The following WDR20 variants were observed in gnomAD, a reference collection of about 807,000 sequenced individuals.
WDR20 encodes WD repeat-containing protein 20.
In WDR20, 3 loss-of-function variants were observed where a neutral mutation model predicts 38.7. That is an observed-to-expected ratio of 0.08 (90% CI 0.04 to 0.20). The LOEUF is 0.20. Ranked by LOEUF, WDR20 falls within the 10% of genes least tolerant of loss-of-function variation. WDR20 has a pLI of 1.00. For missense variants in WDR20, 559 were observed against 727.7 expected (o/e 0.77, Z 2.67); for synonymous variants, 298 against 285.6 (o/e 1.04, Z -0.44).
In WDR20 at chr14:102,220,564, C is replaced by T. The variant is rs1194999651; in HGVS notation, c.1693-2266C>T. Reference sequence around the variant, plus strand: ...TGAAACCCCATCTCTACTAAAACTACAAAAAGTTAGCTGGGCGTGGTGGCA... The same window carrying T: ...TGAAACCCCATCTCTACTAAAACTATAAAAAGTTAGCTGGGCGTGGTGGCA... On this transcript the variant is annotated intron_variant, in intron 3 of 3. Transcript: ENST00000335263. The surrounding 1 kb of genome is among the most constrained non-coding windows in gnomAD (Gnocchi z 4.2). Among the ~76,000 whole-genome samples the T allele has an allele frequency of 6.6e-6, 1 of 151,914 alleles. No homozygotes were observed. Among genetic ancestry groups the T allele is most frequent in the Non-Finnish European group, 1.5e-5 (1 of 67,954 alleles).
At position 102,210,413 on chromosome 14, in the gene WDR20, T is replaced by C. The variant is rs1315522776; in HGVS notation, c.*533T>C. On this transcript the variant is annotated 3_prime_UTR_variant, in exon 3 of 3. Coordinates refer to ENST00000342702, the MANE Select transcript of WDR20 (RefSeq NM_144574.4). ...AAACGTTTAGCAGGGTTGATTGATA[T>C]TATTTTTACATTGTTCTGGCAATCC... The C allele has an allele frequency of 1.0e-5, 10 of 985,408 alleles. No homozygotes were observed. Among genetic ancestry groups the C allele is most frequent in the African/African-American group, 1.7e-5 (1 of 57,264 alleles). The allele number at this position is 985,408 out of a possible 1,614,324, so 61.0% of individuals were successfully genotyped here. A position where few individuals can be genotyped will look rare whatever the true frequency, so the allele number is the denominator to read the frequency against.
chr14:102,146,405 C>T (rs1224401903), intron 1 of WDR20, among the ~76,000 whole-genome samples: 1 of 152,090 alleles, frequency 6.6e-6, no homozygotes, highest in Non-Finnish European at 1.5e-5. Context: ...CCTTGTGATC[C>T]ACCCGTCTCG....
intron 1 of WDR20, among the ~76,000 whole-genome samples, chr14:102,157,789 A>T (rs1352315716): frequency 6.6e-6 from 1 of 152,128 alleles, no homozygotes. Flanking sequence ...TGAGGGCTGA[A>T]GCTTGTGCAA....
intron 1 of WDR20, among the ~76,000 whole-genome samples, chr14:102,158,495 A>G (rs998370388): frequency 6.6e-6 from 1 of 151,948 alleles, no homozygotes; most frequent in Non-Finnish European, 1.5e-5. Context: ...ACGGGGTTTC[A>G]CCATGTTGGT....
chr14:102,224,142 C>T (rs1197235984), downstream of WDR20, among the ~76,000 whole-genome samples: 4 of 150,860 alleles, frequency 2.7e-5, no homozygotes, highest in Admixed American at 6.6e-5. Flanking sequence ...CCCGGGTTCA[C>T]GCCATTCTCC....
At chr14:102,166,162 G>A (rs1261406689) in intron 1 of WDR20, among the ~76,000 whole-genome samples, 1 of 145,954 alleles carries the variant, frequency 6.9e-6, no homozygotes, top group East Asian at 2.0e-4. Flanking sequence ...ACCACGCCTG[G>A]CAGAGACCGG....
chr14:102,222,995 C>A lies in WDR20; in HGVS notation c.*112C>A. 1 of 1,318,278 alleles carries A rather than the reference C, an allele frequency of 7.6e-7. No individual in the cohort carries two copies. Among genetic ancestry groups the A allele is most frequent in the Non-Finnish European group, 1.1e-6 (1 of 925,588 alleles). 81.7% of individuals were successfully genotyped at this position (1,318,278 alleles called of 1,614,324 possible). A position where few individuals can be genotyped will look rare whatever the true frequency, so the allele number is the denominator to read the frequency against. On this transcript the variant is annotated 3_prime_UTR_variant, in exon 4 of 4. Coordinates refer to the WDR20 transcript ENST00000335263. The surrounding 1 kb of genome is among the most constrained non-coding windows in gnomAD (Gnocchi z 4.4). Reference sequence around the variant, plus strand: ...CAGCCGGCGGACCTCAGGCGGTGGACGTCGGCGATAGCCGTGTGGACGGTG... The same window carrying A: ...CAGCCGGCGGACCTCAGGCGGTGGAAGTCGGCGATAGCCGTGTGGACGGTG...
intron 2 of WDR20, among the ~76,000 whole-genome samples, chr14:102,200,586 A>G (rs2152972010): frequency 6.6e-6 from 1 of 152,104 alleles, no homozygotes; most frequent in South Asian, 2.1e-4. Context: ...ACAAAGGGAC[A>G]GTTCCTATAT....
downstream of WDR20, chr14:102,213,732 G>A (rs1441231795): frequency 5.1e-6 from 5 of 985,318 alleles, no homozygotes; most frequent in Admixed American, 6.1e-5. Context: ...AGTATGAAAT[G>A]AGTGCTGAAG....
intron 1 of WDR20, among the ~76,000 whole-genome samples, chr14:102,189,690 A>AT (rs754556994): frequency 4.6e-5 from 7 of 152,258 alleles, no homozygotes; most frequent in Non-Finnish European, 8.8e-5. Context: ...GATGCAAACC[A>AT]TTTTTTGAAA....
chr14:102,169,949 A>C (rs943506530), intron 1 of WDR20, among the ~76,000 whole-genome samples: 1 of 152,164 alleles, frequency 6.6e-6, no homozygotes, highest in Non-Finnish European at 1.5e-5. Context: ...AGAGCATGCA[A>C]TGAAGTCTCT....
chr14:102,182,999 G>A (rs1377762018), intron 1 of WDR20, among the ~76,000 whole-genome samples: 1 of 152,072 alleles, frequency 6.6e-6, no homozygotes, highest in Non-Finnish European at 1.5e-5. Flanking sequence ...AGGAGGTGGA[G>A]GTTGCAGGGA....
chr14:102,154,529 G>C (rs1231607672), intron 1 of WDR20, among the ~76,000 whole-genome samples: 1 of 152,136 alleles, frequency 6.6e-6, no homozygotes, highest in African/African-American at 2.4e-5. Context: ...TGAATTTTGA[G>C]GGGACACAAA....
downstream of WDR20, among the ~76,000 whole-genome samples, chr14:102,217,759 T>C (rs550885291): frequency 2.0e-5 from 3 of 152,364 alleles, no homozygotes; most frequent in Non-Finnish European, 4.4e-5. Flanking sequence ...GGTGGGAGTC[T>C]TGCACGTGAG....
chr14:102,179,152 T>C (rs1201808520), intron 1 of WDR20, among the ~76,000 whole-genome samples: 3 of 152,132 alleles, frequency 2.0e-5, no homozygotes, highest in Non-Finnish European at 4.4e-5. Flanking sequence ...TAGATTTCTC[T>C]CCTCATATAC....
intron 1 of WDR20, among the ~76,000 whole-genome samples, chr14:102,141,722 A>G (rs1365350665): frequency 1.3e-5 from 2 of 152,208 alleles, no homozygotes; most frequent in East Asian, 1.9e-4. Flanking sequence ...GATGTAAAAT[A>G]TAGTTAAATA....
intron 1 of WDR20, chr14:102,191,113 T>C (rs2066274417): frequency 6.6e-6 from 1 of 152,262 alleles, no homozygotes; most frequent in South Asian, 2.1e-4. Flanking sequence ...CTGTGCTTTC[T>C]GTTATCTGCA....
chr14:102,222,908 C>T lies in WDR20; in HGVS notation c.*25C>T, dbSNP rs774756038. 1.2e-6 allele frequency: 2 copies of T among 1,613,688 alleles called. No individual in the cohort carries two copies. The highest frequency in any genetic ancestry group is 1.7e-5 in the Admixed American group (1 of 60,002). Reference sequence around the variant, plus strand: ...GCGACCTCACTGCTGCGCGCACAGTCTCCCGGGACTTGGACTCGAGGGAGT... The same window carrying T: ...GCGACCTCACTGCTGCGCGCACAGTTTCCCGGGACTTGGACTCGAGGGAGT... On this transcript the variant is annotated 3_prime_UTR_variant, in exon 4 of 4. Transcript: ENST00000335263. This position sits in a 1 kb window ranked among gnomAD's most constrained non-coding sequence, Gnocchi z 4.4.
rs113000912 is a variant in WDR20 at position 102,152,497 on chromosome 14, C to T, written c.249+12325C>T. On this transcript the variant is annotated intron_variant, in intron 1 of 2. Transcript: ENST00000342702. Reference sequence around the variant, plus strand: ...TGGGGTGATCTCGGCTCACTGCAGCCTCCGCCTCCCAGGTTCAAGCAACTC... The same window carrying T: ...TGGGGTGATCTCGGCTCACTGCAGCTTCCGCCTCCCAGGTTCAAGCAACTC... Among the ~76,000 whole-genome samples the T allele has an allele frequency of 4.1e-3, 621 of 151,816 alleles. 3 individuals are homozygous for T. The highest frequency in any genetic ancestry group is 6.3e-3 in the Admixed American group (96 of 15,240).
Sources: gnomAD v4.1 joint callset for allele counts (sites outside exome capture counted in the v4.1 genomes callset) on GRCh38, gnomAD v4.1.1 for gene constraint, Gnocchi (gnomAD v3.1) non-coding constraint, MANE v1.5 for transcripts, NCBI Gene and HGNC (gene_info 2026-07-23, HGNC 2026-07-21) for gene names.